The following CWC27 variants were observed in gnomAD, a reference collection of about 807,000 sequenced individuals.
CWC27 encodes spliceosome-associated protein CWC27 homolog.
A neutral mutation model predicts 63.6 loss-of-function variants in CWC27; 47 were observed. The observed-to-expected ratio is 0.74, with a 90% confidence interval of 0.58 to 0.94. The LOEUF (loss-of-function observed/expected upper bound fraction) is 0.94. Among genes scored for constraint, CWC27 ranks in the 40% least tolerant of loss-of-function variants. The probability of loss-of-function intolerance (pLI) is 0.00; values close to 1 mark genes in which losing one functional copy is unlikely to be tolerated. For missense variants in CWC27, 495 were observed against 554.3 expected, an observed-to-expected ratio of 0.89 and a Z score of 1.07; for synonymous variants, 175 against 179.8, an observed-to-expected ratio of 0.97 and a Z score of 0.22.
intron 10 of CWC27, among the ~76,000 whole-genome samples, chr5:64,822,018 T>A (rs1457076940): frequency 6.6e-6 from 1 of 152,186 alleles, no homozygotes; most frequent in African/African-American, 2.4e-5. Flanking sequence ...TGGGGCCAGG[T>A]CATGACGGGC....
chr5:64,917,569 T>C (rs1441899577), intron 11 of CWC27, among the ~76,000 whole-genome samples: 1 of 152,178 alleles, frequency 6.6e-6, no homozygotes, highest in Non-Finnish European at 1.5e-5. Flanking sequence ...GGCATTTGAA[T>C]TGGTAGACTG....
chr5:64,832,822 C>T (rs567903486), intron 10 of CWC27, among the ~76,000 whole-genome samples: 2 of 151,838 alleles, frequency 1.3e-5, no homozygotes, highest in African/African-American at 4.8e-5. Flanking sequence ...GAGCAAATCA[C>T]ATTTAATATT....
intron 11 of CWC27, among the ~76,000 whole-genome samples, chr5:64,903,225 C>T (rs982448766): frequency 2.6e-5 from 4 of 152,108 alleles, no homozygotes; most frequent in Non-Finnish European, 4.4e-5. Flanking sequence ...CACATGCACA[C>T]GTATGTTTAT....
chr5:64,769,279 T>C, intron 1 of CWC27, 91 bp downstream of exon 1: 1 of 1,149,578 alleles, frequency 8.7e-7, no homozygotes, highest in Non-Finnish European at 1.3e-6. Flanking sequence ...CAGGATCTCG[T>C]GGTAGGAAGA....
intron 7 of CWC27, among the ~76,000 whole-genome samples, chr5:64,790,450 T>TA (rs779543155): frequency 6.6e-6 from 1 of 152,158 alleles, no homozygotes; most frequent in Non-Finnish European, 1.5e-5. Flanking sequence ...ATTCTGTGGT[T>TA]ATGTTTGTGA....
chr5:64,814,215 A>G lies in CWC27; in HGVS notation c.938+9829A>G, dbSNP rs148303405. Among the ~76,000 whole-genome samples the G allele has an allele frequency of 1.4e-3, 220 of 152,028 alleles. 1 individual carries two copies. Among genetic ancestry groups the G allele is most frequent in the African/African-American group, 4.9e-3 (202 of 41,464 alleles). ...ACCCCTGCAACTGTTCAGGGGCTTT[A>G]CTACCCTTTGGATACCACTTCGGTT... On this transcript the variant is annotated intron_variant, in intron 10 of 13. Coordinates refer to ENST00000381070, the MANE Select transcript of CWC27 (RefSeq NM_005869.4).
At chr5:64,860,927 A>C (rs1746396035) in intron 10 of CWC27, among the ~76,000 whole-genome samples, 1 of 152,202 alleles carries the variant, frequency 6.6e-6, no homozygotes, top group Non-Finnish European at 1.5e-5. Flanking sequence ...TCAGTAACTA[A>C]AACAAGCAGC....
Position 64,776,068 on chromosome 5 carries a change from C to CGAGAGAGAGAGAGAGAGAGAGA in CWC27, c.139+1314_139+1335dup, listed in dbSNP as rs70983650. On this transcript the variant is annotated intron_variant, in intron 2 of 13. Coordinates refer to ENST00000381070, the MANE Select transcript of CWC27 (RefSeq NM_005869.4). Reference sequence around the variant, plus strand: ...AAGAGAGAGGTGGGGAGGAGTGGAGCGAGAGAGAGAGAGAGAGAGAGAGAG... The same window carrying CGAGAGAGAGAGAGAGAGAGAGA: ...AAGAGAGAGGTGGGGAGGAGTGGAGCGAGAGAGAGAGAGAGAGAGAGAGAGAGAGAGAGAGAGAGAGAGAGAG... Among the ~76,000 whole-genome samples the CGAGAGAGAGAGAGAGAGAGAGA allele has an allele frequency of 1.7e-4, 18 of 108,638 alleles. 1 individual carries two copies. The highest frequency in any genetic ancestry group is 6.4e-4 in the African/African-American group (17 of 26,618). 71.3% of individuals were successfully genotyped at this position (108,638 alleles called of 152,430 possible).
rs138391093 is a variant in CWC27 at position 64,793,051 on chromosome 5, T to C, written c.669+4031T>C. Among the ~76,000 whole-genome samples the C allele has an allele frequency of 4.4e-3, 672 of 152,298 alleles. 7 individuals carry two copies. The highest frequency in any genetic ancestry group is 0.014 in the African/African-American group (590 of 41,580). ...ACTAAAGAATGTAAAATTTCTTTAA[T>C]ATGATCATAACCATTATGTAGAATC... On this transcript the variant is annotated intron_variant, in intron 7 of 13. Coordinates refer to ENST00000381070, the MANE Select transcript of CWC27 (RefSeq NM_005869.4).
chr5:65,006,956 A>AAGAC (rs1291200963), intron 13 of CWC27, among the ~76,000 whole-genome samples: 4 of 123,858 alleles, frequency 3.2e-5, no homozygotes. Flanking sequence ...TTTATTTAAA[A>AAGAC]AGACAGAAAG....
chr5:64,829,154 T>G (rs895473814), intron 10 of CWC27, among the ~76,000 whole-genome samples: 1 of 152,178 alleles, frequency 6.6e-6, no homozygotes, highest in Non-Finnish European at 1.5e-5. Flanking sequence ...TTTTTCATGA[T>G]TTGAATTTTC....
intron 11 of CWC27, among the ~76,000 whole-genome samples, chr5:64,933,398 T>G (rs1200073074): frequency 2.6e-5 from 4 of 152,208 alleles, no homozygotes; most frequent in Non-Finnish European, 5.9e-5. Flanking sequence ...TCATATATCT[T>G]TTACCTCGAT....
At chr5:64,791,519 C>A (rs1403793704) in intron 7 of CWC27, among the ~76,000 whole-genome samples, 1 of 151,576 alleles carries the variant, frequency 6.6e-6, no homozygotes, top group Non-Finnish European at 1.5e-5. Context: ...TGAGTAAAAT[C>A]TTTTCTCTCT....
At chr5:64,903,402 C>T (rs1258964920) in intron 11 of CWC27, among the ~76,000 whole-genome samples, 3 of 152,052 alleles carry the variant, frequency 2.0e-5, no homozygotes, top group African/African-American at 7.2e-5. Context: ...TGGAAACCAT[C>T]ATTCTCAGCA....
intron 10 of CWC27, among the ~76,000 whole-genome samples, chr5:64,814,789 A>C (rs1485370965): frequency 6.6e-6 from 1 of 152,168 alleles, no homozygotes; most frequent in African/African-American, 2.4e-5. Context: ...CTTTGTAAGC[A>C]TAGGGGATGG....
intron 11 of CWC27, among the ~76,000 whole-genome samples, chr5:64,953,127 C>T (rs78859503): frequency 0.015 from 2,235 of 152,050 alleles, 29 homozygotes; most frequent in Non-Finnish European, 0.022. Context: ...GAAGATTTTG[C>T]CAGTCTGTGG....
At chr5:64,787,581 A>G (rs1369512217) in intron 6 of CWC27, among the ~76,000 whole-genome samples, 3 of 151,734 alleles carry the variant, frequency 2.0e-5, no homozygotes, top group African/African-American at 7.2e-5. Context: ...ATATTTTAAA[A>G]TATAAAGCTG....
chr5:64,878,614 G>A (rs1746856690), intron 10 of CWC27, among the ~76,000 whole-genome samples: 1 of 151,062 alleles, frequency 6.6e-6, no homozygotes, highest in African/African-American at 2.4e-5. Context: ...GATCAATGAG[G>A]TTGACAATTT....
chr5:64,791,689 A>G (rs964693459), intron 7 of CWC27, among the ~76,000 whole-genome samples: 13 of 152,028 alleles, frequency 8.6e-5, no homozygotes, highest in African/African-American at 3.1e-4. Context: ...CTATATCTCT[A>G]GGCTGGTTTA....
Sources: gnomAD v4.1 joint callset for allele counts (sites outside exome capture counted in the v4.1 genomes callset) on GRCh38, gnomAD v4.1.1 for gene constraint, MANE v1.5 for transcripts, NCBI Gene and HGNC (gene_info 2026-07-23, HGNC 2026-07-21) for gene names.